ZNF609: variants seen among roughly 807,000 people sequenced by gnomAD.
The protein encoded by ZNF609 is zinc finger protein 609.
In ZNF609, 11 loss-of-function variants were observed where a neutral mutation model predicts 109.5. The observed-to-expected ratio is 0.10, with a 90% confidence interval of 0.06 to 0.17. The LOEUF is 0.17. Among genes scored for constraint, ZNF609 ranks in the 10% least tolerant of loss-of-function variants. The probability of loss-of-function intolerance (pLI) is 1.00; values close to 1 mark genes in which losing one functional copy is unlikely to be tolerated. For missense variants in ZNF609, 1,559 were observed against 1,772.4 expected, an observed-to-expected ratio of 0.88 and a Z score of 2.16; for synonymous variants, 646 against 662.0, an observed-to-expected ratio of 0.98 and a Z score of 0.37.
At chr15:64,608,395 A>G (rs1353064851) in intron 2 of ZNF609, among the ~76,000 whole-genome samples, 1 of 152,134 alleles carries the variant, frequency 6.6e-6, no homozygotes, top group Non-Finnish European at 1.5e-5. Context: ...CTCTAGCACA[A>G]TATTGCAACT....
intron 2 of ZNF609, among the ~76,000 whole-genome samples, chr15:64,510,656 T>C (rs1177300114): frequency 6.6e-6 from 1 of 152,226 alleles, no homozygotes; most frequent in Non-Finnish European, 1.5e-5. Flanking sequence ...TTTGAATGTA[T>C]GTCTTGTGCT....
rs375929891 is a variant in ZNF609 at position 64,675,104 on chromosome 15, G to A, written c.2250G>A (p.Val750=). 7 of 1,614,060 alleles carry A rather than the reference G, an allele frequency of 4.3e-6. No individual in the cohort carries two copies. The African/African-American group carries it at 8.0e-5, about 18-fold the overall frequency. The stretch of plus-strand genomic sequence containing the variant: ...AAAGTCCTCTGACCCCTGGGAAGGT[G>A]TGTCGAGCAGAGGAAGGCAAAAGCC... ...ELESPLTPGK[V]CRAEEGKSPF... Residue 750 remains valine, a synonymous_variant, in exon 5 of 10, where the codon GTG becomes GTA. Transcript: ENST00000326648.
chr15:64,646,313 G>C (rs991090392), intron 3 of ZNF609, among the ~76,000 whole-genome samples: 1 of 151,974 alleles, frequency 6.6e-6, no homozygotes, highest in South Asian at 2.1e-4. Context: ...GGGCAACATA[G>C]CAAGACTGCA....
chr15:64,559,881 C>T (rs1466800451), intron 2 of ZNF609, among the ~76,000 whole-genome samples: 2 of 151,846 alleles, frequency 1.3e-5, no homozygotes, highest in African/African-American at 2.4e-5. Context: ...TAATAGTATC[C>T]GTAGCAATAA....
chr15:64,502,014 T>A (rs1234772252), intron 2 of ZNF609: 1 of 152,150 alleles, frequency 6.6e-6, no homozygotes, highest in Non-Finnish European at 1.5e-5. Flanking sequence ...GCCAGGGAGT[T>A]TTGTCCCTTA....
chr15:64,529,118 G>C, intron 2 of ZNF609: 1 of 780,276 alleles, frequency 1.3e-6, no homozygotes, highest in Non-Finnish European at 2.3e-6. Context: ...TTTATAGTCT[G>C]GGTGGCAGTG....
intron 3 of ZNF609, among the ~76,000 whole-genome samples, chr15:64,638,716 C>T (rs908618079): frequency 1.3e-5 from 2 of 151,584 alleles, no homozygotes; most frequent in African/African-American, 4.8e-5. Flanking sequence ...GACAACATGG[C>T]GAAACTCCAT....
intron 1 of ZNF609, among the ~76,000 whole-genome samples, chr15:64,464,269 A>G (rs1892981327): frequency 6.6e-6 from 1 of 152,142 alleles, no homozygotes; most frequent in South Asian, 2.1e-4. Flanking sequence ...TATTTTATTT[A>G]TTTGACTCAG....
intron 2 of ZNF609, among the ~76,000 whole-genome samples, chr15:64,556,389 T>TC (rs113584428): frequency 0.054 from 8,265 of 152,020 alleles, 758 homozygotes; most frequent in African/African-American, 0.19. Flanking sequence ...CGCCTCAGCT[T>TC]CCCCAAGTGC....
intron 2 of ZNF609, among the ~76,000 whole-genome samples, chr15:64,524,317 G>A (rs185047593): frequency 7.2e-5 from 11 of 152,346 alleles, no homozygotes; most frequent in African/African-American, 2.6e-4. Context: ...TGTAATCCCA[G>A]CACTTTGGGA....
intron 3 of ZNF609, among the ~76,000 whole-genome samples, chr15:64,666,584 A>C (rs1030318457): frequency 1.3e-5 from 2 of 151,892 alleles, no homozygotes; most frequent in Non-Finnish European, 2.9e-5. Context: ...GCTCACTGCA[A>C]CACCTCCTTG....
At chr15:64,507,147 G>T (rs1214764265) in intron 2 of ZNF609, among the ~76,000 whole-genome samples, 2 of 152,292 alleles carry the variant, frequency 1.3e-5, no homozygotes, top group South Asian at 2.1e-4. Context: ...ATGGGGTTGG[G>T]TATGTTGGAT....
intron 2 of ZNF609, among the ~76,000 whole-genome samples, chr15:64,516,459 C>T (rs370335832): frequency 2.6e-5 from 4 of 152,184 alleles, no homozygotes; most frequent in Non-Finnish European, 5.9e-5. Context: ...GCAAGCTCTC[C>T]GCCTCCTGAG....
In ZNF609 at chr15:64,675,796, C is replaced by T; in HGVS notation, c.2942C>T (p.Pro981Leu). The T allele has an allele frequency of 1.2e-6, 2 of 1,614,136 alleles. No homozygotes were observed. The highest frequency in any genetic ancestry group is 1.7e-6 in the Non-Finnish European group (2 of 1,180,028). Residue 981 changes from proline (P) to leucine (L), a missense_variant, in exon 5 of 10, where the codon CCC (proline) becomes CTC (leucine). By Grantham distance (98) the Pro-to-Leu change is moderately conservative. Transcript: ENST00000326648. ...TACTACAACCAGTATGCCTATGTAC[C>T]CCCCTATGGCTACAGCGACCAGAGT... ...SLYYNQYAYV[P>L]PYGYSDQSYH...
Position 64,678,497 on chromosome 15 carries a change from G to A in ZNF609, c.3769+15G>A, listed in dbSNP as rs1314468669. The A allele has an allele frequency of 6.4e-7, 1 of 1,552,098 alleles. No homozygotes were observed. The highest frequency in any genetic ancestry group is 8.7e-7 in the Non-Finnish European group (1 of 1,149,600). The stretch of plus-strand genomic sequence containing the variant: ...GAACTACCCAGGTACAGCACCAAGT[G>A]CCAGCACTATTCCATTCACTGGAAG... On this transcript the variant is annotated intron_variant, in intron 6 of 9. Coordinates refer to ENST00000326648, the MANE Select transcript of ZNF609 (RefSeq NM_015042.2).
intron 2 of ZNF609, among the ~76,000 whole-genome samples, chr15:64,513,312 GTGTC>G (rs1051302666): frequency 6.6e-6 from 1 of 152,178 alleles, no homozygotes; most frequent in African/African-American, 2.4e-5. Flanking sequence ...ATCTGGTAGA[GTGTC>G]TGTTTTAGAT....
At chr15:64,666,225 C>G (rs1171487267) in intron 3 of ZNF609, among the ~76,000 whole-genome samples, 6 of 151,738 alleles carry the variant, frequency 4.0e-5, no homozygotes, top group Non-Finnish European at 7.4e-5. Flanking sequence ...ATAACCCTGT[C>G]TTTACTAAAA....
In ZNF609 at chr15:64,622,977, C is replaced by T. The variant is rs764931890; in HGVS notation, c.898C>T (p.Pro300Ser). 1.2e-6 allele frequency: 2 copies of T among 1,614,236 alleles called. No homozygotes were observed. Among genetic ancestry groups the T allele is most frequent in the Admixed American group, 3.3e-5 (2 of 60,022 alleles). Reference sequence around the variant, plus strand: ...ATGTGATGTGGCTCTGGCCACAGAGCCTGAGTGCTTGGGCCCCTGTGAACC... The same window carrying T: ...ATGTGATGTGGCTCTGGCCACAGAGTCTGAGTGCTTGGGCCCCTGTGAACC... Reference protein sequence around the residue: ...NTCDVALATEPECLGPCEPGT... With the variant: ...NTCDVALATESECLGPCEPGT... Residue 300 changes from proline (P) to serine (S), a missense_variant, in exon 3 of 10, where the codon CCT becomes TCT. Transcript: ENST00000326648.
intron 3 of ZNF609, among the ~76,000 whole-genome samples, chr15:64,663,800 A>C (rs992244500): frequency 1.3e-5 from 2 of 152,130 alleles, no homozygotes; most frequent in Admixed American, 6.5e-5. Flanking sequence ...CTAGAAAAAA[A>C]TCTCTCTCTC....
Sources: gnomAD v4.1 joint callset for allele counts (sites outside exome capture counted in the v4.1 genomes callset) on GRCh38, gnomAD v4.1.1 for gene constraint, MANE v1.5 for transcripts, NCBI Gene and HGNC (gene_info 2026-07-23, HGNC 2026-07-21) for gene names.